Variants in AMOTL1 observed in about 807,000 individuals in gnomAD.
AMOTL1 encodes the protein angiomotin-like protein 1.
A neutral mutation model predicts 102.9 loss-of-function variants in AMOTL1; 45 were observed. The ratio of observed to expected loss-of-function variants is 0.44; its 90% CI spans 0.34 to 0.56. The LOEUF is 0.56. Among genes scored for constraint, AMOTL1 ranks in the 20% least tolerant of loss-of-function variants. The probability of loss-of-function intolerance (pLI) is 0.01; values close to 1 mark genes in which losing one functional copy is unlikely to be tolerated. For synonymous variants in AMOTL1, 481 were observed against 484.7 expected, an observed-to-expected ratio of 0.99 and a Z score of 0.10; for missense variants, 1,114 against 1,225.6, an observed-to-expected ratio of 0.91 and a Z score of 1.36.
intron 1 of AMOTL1, among the ~76,000 whole-genome samples, chr11:94,720,213 G>T (rs951723280): frequency 1.3e-5 from 2 of 152,050 alleles, no homozygotes; most frequent in Non-Finnish European, 2.9e-5. Flanking sequence ...AAATATATAT[G>T]AAAATATCCC....
intron 3 of AMOTL1, among the ~76,000 whole-genome samples, chr11:94,747,484 G>A (rs1224363154): frequency 1.3e-5 from 2 of 152,198 alleles, no homozygotes; most frequent in Non-Finnish European, 2.9e-5. Flanking sequence ...CAGGCAGGAT[G>A]TATGCTGGGT....
chr11:94,844,932 A>G (rs1205294050), intron 6 of AMOTL1, among the ~76,000 whole-genome samples: 3 of 152,192 alleles, frequency 2.0e-5, no homozygotes, highest in Non-Finnish European at 4.4e-5. Flanking sequence ...GTAGGGAAAA[A>G]CTTCTCAAAA....
intron 6 of AMOTL1, 49 bp downstream of exon 6, chr11:94,831,590 G>A (rs762635500): frequency 6.8e-7 from 1 of 1,479,866 alleles, no homozygotes; most frequent in East Asian, 2.3e-5. Flanking sequence ...TTTAAAAACG[G>A]GGTCCTGAAG....
At chr11:94,840,669 T>TAC (rs1240906935) in intron 6 of AMOTL1, among the ~76,000 whole-genome samples, 3 of 126,748 alleles carry the variant, frequency 2.4e-5, no homozygotes, top group African/African-American at 9.0e-5. Flanking sequence ...TATATATATA[T>TAC]ATATATATAT....
At chr11:94,787,544 C>G (rs1353815913) in intron 1 of AMOTL1, among the ~76,000 whole-genome samples, 1 of 151,138 alleles carries the variant, frequency 6.6e-6, no homozygotes, top group African/African-American at 2.4e-5. Flanking sequence ...AAAAATTAGC[C>G]GGGCATGGTG....
chr11:94,758,952 C>T (rs78112309), intron 3 of AMOTL1, among the ~76,000 whole-genome samples: 1 of 152,114 alleles, frequency 6.6e-6, no homozygotes, highest in Non-Finnish European at 1.5e-5. Context: ...ACCTGAAGGG[C>T]ATATATATAC....
At chr11:94,731,085 G>A (rs1343347902) in intron 2 of AMOTL1, among the ~76,000 whole-genome samples, 1 of 152,134 alleles carries the variant, frequency 6.6e-6, no homozygotes, top group Admixed American at 6.6e-5. Context: ...AATCTTTGGG[G>A]CAAGGCTGGA....
chr11:94,723,033 T>C (rs1950198457), intron 1 of AMOTL1, among the ~76,000 whole-genome samples: 1 of 152,156 alleles, frequency 6.6e-6, no homozygotes, highest in Non-Finnish European at 1.5e-5. Flanking sequence ...ATGACAAATC[T>C]TTTGTTATGA....
rs1414164356 is a variant in AMOTL1 at position 94,876,589 on chromosome 11, T to G, written c.*5794T>G. The G allele has an allele frequency of 6.6e-6, 1 of 152,650 alleles. No individual in the cohort carries two copies. The highest frequency in any genetic ancestry group is 1.5e-5 in the Non-Finnish European group (1 of 68,048). The allele number at this position is 152,650 out of a possible 1,614,324, so 9.5% of individuals were successfully genotyped here. A position where few individuals can be genotyped will look rare whatever the true frequency, so the allele number is the denominator to read the frequency against. On this transcript the variant is annotated 3_prime_UTR_variant, in exon 13 of 13. Transcript: ENST00000433060. ...CCACAGCAAATATTGATGCTGTTGGTCAGCCAAAGATTTTCCTCTCCTTTG... is the reference window on the plus strand; with the variant it reads ...CCACAGCAAATATTGATGCTGTTGGGCAGCCAAAGATTTTCCTCTCCTTTG...
chr11:94,769,605 C>G (rs142891555), intron 1 of AMOTL1, among the ~76,000 whole-genome samples: 1 of 152,248 alleles, frequency 6.6e-6, no homozygotes, highest in Non-Finnish European at 1.5e-5. Context: ...AGATTTTTGC[C>G]TTTTTGGCTT....
At chr11:94,859,457 G>C in intron 8 of AMOTL1, 68 bp from the exon 9 acceptor site, 1 of 1,459,790 alleles carries the variant, frequency 6.9e-7, no homozygotes, top group Non-Finnish European at 9.2e-7. Flanking sequence ...CATGTGTTCT[G>C]TATGGGCAGT....
intron 1 of AMOTL1, among the ~76,000 whole-genome samples, chr11:94,721,540 T>C (rs1268996822): frequency 4.6e-5 from 7 of 152,016 alleles, no homozygotes; most frequent in Non-Finnish European, 1.0e-4. Flanking sequence ...CATGATGGAA[T>C]TGGTATCCTT....
At position 94,756,239 on chromosome 11, in the gene AMOTL1, G is replaced by A. The variant is rs145864522; in HGVS notation, c.136+15251G>A. On this transcript the variant is annotated intron_variant, in intron 3 of 4. Coordinates refer to the AMOTL1 transcript ENST00000299004. ...TTTATGGGCACAGGATGGGGGGCGT[G>A]GCAGGCCAAAAGCAGCTTTTTGGGT... 4.1e-3 allele frequency among the ~76,000 whole-genome samples: 626 copies of A among 152,282 alleles called. 8 individuals carry two copies. The highest frequency in any genetic ancestry group is 0.014 in the African/African-American group (582 of 41,556).
chr11:94,753,921 A>T (rs1950689219), intron 3 of AMOTL1, among the ~76,000 whole-genome samples: 1 of 152,192 alleles, frequency 6.6e-6, no homozygotes, highest in South Asian at 2.1e-4. Flanking sequence ...TGGTAACTTA[A>T]TTGGGAAGAA....
At chr11:94,712,047 T>C (rs1033951457) in intron 1 of AMOTL1, among the ~76,000 whole-genome samples, 4 of 152,074 alleles carry the variant, frequency 2.6e-5, no homozygotes, top group African/African-American at 9.7e-5. Context: ...GGCCATAATA[T>C]TTTATGTTAC....
At chr11:94,743,301 T>C (rs1056215319) in intron 3 of AMOTL1, among the ~76,000 whole-genome samples, 14 of 152,242 alleles carry the variant, frequency 9.2e-5, no homozygotes, top group South Asian at 2.1e-4. Context: ...AGGAGGCCTA[T>C]AGCCATTGGG....
chr11:94,842,324 A>G (rs943824006), intron 6 of AMOTL1, among the ~76,000 whole-genome samples: 4 of 152,168 alleles, frequency 2.6e-5, no homozygotes, highest in Non-Finnish European at 5.9e-5. Flanking sequence ...GAAAAATGAG[A>G]CAGACACACA....
chr11:94,717,359 T>C (rs904805749), intron 1 of AMOTL1, among the ~76,000 whole-genome samples: 1 of 148,326 alleles, frequency 6.7e-6, no homozygotes, highest in African/African-American at 2.5e-5. Flanking sequence ...AGTCTAGTCA[T>C]ACTAGATAAT....
At chr11:94,746,459 A>G (rs1950591403) in intron 3 of AMOTL1, among the ~76,000 whole-genome samples, 3 of 152,208 alleles carry the variant, frequency 2.0e-5, no homozygotes, top group Admixed American at 1.3e-4. Flanking sequence ...GAGGAACGCC[A>G]TAACCTGCAT....
Sources: allele counts gnomAD v4.1 joint callset (sites outside exome capture counted in the v4.1 genomes callset), GRCh38; gene constraint gnomAD v4.1.1; transcripts MANE v1.5; gene names NCBI Gene and HGNC (gene_info 2026-07-23, HGNC 2026-07-21).